MTMR2: variants seen among roughly 807,000 people sequenced by gnomAD.
MTMR2 encodes the protein phosphatidylinositol-3,5-bisphosphate 3-phosphatase MTMR2.
MTMR2 carries 55 observed loss-of-function variants against 86.9 expected under a neutral mutation model. The ratio of observed to expected loss-of-function variants is 0.63; its 90% CI spans 0.51 to 0.79. The LOEUF (loss-of-function observed/expected upper bound fraction) is 0.79. Among genes scored for constraint, MTMR2 ranks in the 30% least tolerant of loss-of-function variants. The pLI, the probability that MTMR2 is intolerant of heterozygous loss-of-function variation, is 0.00. For missense variants in MTMR2, 659 were observed against 772.3 expected, an observed-to-expected ratio of 0.85 and a Z score of 1.74; for synonymous variants, 241 against 266.8, an observed-to-expected ratio of 0.90 and a Z score of 0.94.
chr11:95,914,331 G>A (rs1310908623), intron 1 of MTMR2: 1 of 969,184 alleles, frequency 1.0e-6, no homozygotes, highest in African/African-American at 1.8e-5. Context: ...AAACACAAAG[G>A]AACTTAGGGG....
At chr11:95,917,199 G>T (rs1397447564) in intron 1 of MTMR2, among the ~76,000 whole-genome samples, 1 of 152,076 alleles carries the variant, frequency 6.6e-6, no homozygotes, top group African/African-American at 2.4e-5. Context: ...TCAAACAGTA[G>T]ACACAAAGAT....
At chr11:95,923,745 G>C in intron 1 of MTMR2, 130 bp downstream of exon 1, 1 of 1,476,648 alleles carries the variant, frequency 6.8e-7, no homozygotes, top group South Asian at 1.4e-5. Flanking sequence ...TGGTTCCCAA[G>C]TCCCGGGGAA....
intron 2 of MTMR2, among the ~76,000 whole-genome samples, chr11:95,874,216 T>C (rs1865007353): frequency 6.6e-6 from 1 of 152,184 alleles, no homozygotes; most frequent in Non-Finnish European, 1.5e-5. Context: ...CCCATTATTA[T>C]TGTGTGGGAG....
At chr11:95,875,185 G>A (rs1291097107) in intron 2 of MTMR2, among the ~76,000 whole-genome samples, 2 of 152,198 alleles carry the variant, frequency 1.3e-5, no homozygotes, top group African/African-American at 4.8e-5. Context: ...ATATCCTGCA[G>A]AATGTTTTCC....
At chr11:95,886,404 CCCT>C (rs1215213717) in intron 2 of MTMR2, among the ~76,000 whole-genome samples, 2 of 152,124 alleles carry the variant, frequency 1.3e-5, no homozygotes, top group East Asian at 1.9e-4. Flanking sequence ...TGCACTATGG[CCCT>C]CATTTTGTCC....
intron 11 of MTMR2, among the ~76,000 whole-genome samples, chr11:95,842,870 C>T (rs1195601625): frequency 1.3e-5 from 2 of 152,132 alleles, no homozygotes; most frequent in Admixed American, 1.3e-4. Flanking sequence ...TTCTCTTATG[C>T]CAGTGTACTT....
intron 1 of MTMR2, among the ~76,000 whole-genome samples, chr11:95,911,347 T>C (rs751591345): frequency 5.9e-5 from 9 of 152,204 alleles, no homozygotes; most frequent in Non-Finnish European, 1.2e-4. Flanking sequence ...CCAGTTTGTA[T>C]AGAAAATAAT....
rs118117947 is a variant in MTMR2, at chr11:95,891,069, C to T, written c.81-2808G>A. Among the ~76,000 whole-genome samples the T allele has an allele frequency of 4.0e-3, 608 of 152,136 alleles. 7 individuals carry two copies. In the East Asian group the frequency reaches 0.056, roughly 14 times the overall value. On this transcript the variant is annotated intron_variant, in intron 1 of 14. Coordinates refer to ENST00000346299, the MANE Select transcript of MTMR2 (RefSeq NM_016156.6). Reference sequence around the variant, plus strand: ...CTTCTGGGAGAAAAACTCTTAAAGGCAATTGAATATAACTTGAAATTATGG... The same window carrying T: ...CTTCTGGGAGAAAAACTCTTAAAGGTAATTGAATATAACTTGAAATTATGG...
At chr11:95,910,579 T>C (rs1006426292) in intron 1 of MTMR2, among the ~76,000 whole-genome samples, 6 of 152,092 alleles carry the variant, frequency 3.9e-5, no homozygotes, top group African/African-American at 1.2e-4. Context: ...CTACTGACCA[T>C]AGTCATTACA....
chr11:95,846,454 CATAGAAGTT>C (rs1258052341), intron 10 of MTMR2, among the ~76,000 whole-genome samples: 2 of 152,066 alleles, frequency 1.3e-5, no homozygotes, highest in African/African-American at 2.4e-5. Flanking sequence ...GAAAACGCTC[CATAGAAGTT>C]ATAGGGAATG....
chr11:95,859,609 A>T (rs1185099823), intron 5 of MTMR2, among the ~76,000 whole-genome samples: 4 of 152,218 alleles, frequency 2.6e-5, no homozygotes, highest in Admixed American at 2.6e-4. Context: ...TGAAACATGA[A>T]TTGTTACAAG....
chr11:95,912,245 T>C (rs934780879), intron 1 of MTMR2, among the ~76,000 whole-genome samples: 5 of 151,962 alleles, frequency 3.3e-5, no homozygotes, highest in African/African-American at 9.7e-5. Context: ...CTCCCTAATT[T>C]TGAATACTCT....
intron 2 of MTMR2, among the ~76,000 whole-genome samples, chr11:95,873,792 G>A (rs1171591955): frequency 1.3e-5 from 2 of 152,038 alleles, no homozygotes; most frequent in Non-Finnish European, 2.9e-5. Context: ...CTGGTATGTT[G>A]TGTCTTTGTT....
chr11:95,894,691 A>G (rs1353530692), intron 1 of MTMR2, among the ~76,000 whole-genome samples: 2 of 152,190 alleles, frequency 1.3e-5, no homozygotes, highest in African/African-American at 4.8e-5. Flanking sequence ...TAAAGTTTTC[A>G]AAAGAGTTTC....
intron 1 of MTMR2, among the ~76,000 whole-genome samples, chr11:95,892,691 C>T (rs1054173624): frequency 1.3e-5 from 2 of 152,214 alleles, no homozygotes; most frequent in Non-Finnish European, 2.9e-5. Context: ...AACACTCTGT[C>T]GCATATGTTC....
intron 1 of MTMR2, among the ~76,000 whole-genome samples, chr11:95,888,521 C>T (rs1391150402): frequency 6.6e-6 from 1 of 152,164 alleles, no homozygotes; most frequent in Admixed American, 6.5e-5. Flanking sequence ...TTCTTTTTAT[C>T]CATTCACCCA....
intron 7 of MTMR2, among the ~76,000 whole-genome samples, chr11:95,852,186 T>C (rs914466529): frequency 2.0e-5 from 3 of 152,210 alleles, no homozygotes; most frequent in Non-Finnish European, 4.4e-5. Flanking sequence ...CACAGATATA[T>C]TTTACTGTAC....
chr11:95,910,435 C>A (rs968065834), intron 1 of MTMR2, among the ~76,000 whole-genome samples: 26 of 151,708 alleles, frequency 1.7e-4, no homozygotes, highest in African/African-American at 5.8e-4. Flanking sequence ...TGCAGATGAA[C>A]AAACATATAA....
At position 95,850,751 on chromosome 11, in the gene MTMR2, T is replaced by C. The variant is rs1469469279; in HGVS notation, c.655-2A>G. ...TCTCCAGCTTTCATTTGGAATTCCC[T>C]ACATGTGAAATGAAACATAAGACAA... On this transcript the variant is annotated splice_acceptor_variant, in intron 7 of 14. Coordinates refer to ENST00000346299, the MANE Select transcript of MTMR2 (RefSeq NM_016156.6). LOFTEE classifies it high-confidence loss of function. 6.2e-7 allele frequency: 1 copy of C among 1,613,030 alleles called. No individual in the cohort carries two copies. Among genetic ancestry groups the C allele is most frequent in the Non-Finnish European group, 8.5e-7 (1 of 1,179,124 alleles).
Sources: gnomAD v4.1 joint callset for allele counts (sites outside exome capture counted in the v4.1 genomes callset) on GRCh38, gnomAD v4.1.1 for gene constraint, MANE v1.5 for transcripts, NCBI Gene and HGNC (gene_info 2026-07-23, HGNC 2026-07-21) for gene names.